The following OR2C1 variants were observed in gnomAD, a reference collection of about 807,000 sequenced individuals.
The protein encoded by OR2C1 is olfactory receptor family 2 subfamily C member 1, also known as olfactory receptor 2C1.
For synonymous variants in OR2C1, 209 were observed against 167.3 expected (o/e 1.25, Z -1.92); for missense variants, 468 against 388.3 (o/e 1.21, Z -1.73).
At chr16:3,341,799 C>T in the OR2C1 span, among the ~76,000 whole-genome samples, 1 of 152,122 alleles carries the variant, frequency 6.6e-6, no homozygotes, top group Non-Finnish European at 1.5e-5. Context: ...GTTAGGGAGG[C>T]TTCATGATGT....
At chr16:3,338,147 T>C in the OR2C1 span, among the ~76,000 whole-genome samples, 1 of 152,224 alleles carries the variant, frequency 6.6e-6, no homozygotes, top group Non-Finnish European at 1.5e-5. Context: ...TGGAATGCAC[T>C]TGCTGCAGCA....
chr16:3,348,944 C>T, the OR2C1 span, among the ~76,000 whole-genome samples: 1 of 152,114 alleles, frequency 6.6e-6, no homozygotes, highest in South Asian at 2.1e-4. Flanking sequence ...AGAACAAACA[C>T]TCAAGGATGA....
chr16:3,352,148 C>G (rs993057510), upstream of OR2C1, among the ~76,000 whole-genome samples: 1 of 151,620 alleles, frequency 6.6e-6, no homozygotes, highest in East Asian at 1.9e-4. Flanking sequence ...ACAGAGTCTC[C>G]CTCTGTCGCC....
chr16:3,341,486 G>A, the OR2C1 span, among the ~76,000 whole-genome samples: 2 of 152,102 alleles, frequency 1.3e-5, no homozygotes, highest in Admixed American at 6.6e-5. Flanking sequence ...ATGCTAAGGG[G>A]TAAAAGTGGT....
chr16:3,349,413 C>G, the OR2C1 span, among the ~76,000 whole-genome samples: 1 of 152,144 alleles, frequency 6.6e-6, no homozygotes, highest in Non-Finnish European at 1.5e-5. Context: ...AGGCTTCCAA[C>G]TGCGACCCAG....
At chr16:3,323,623 TA>T in the OR2C1 span, 2 of 726,830 alleles carry the variant, frequency 2.8e-6, no homozygotes, top group South Asian at 2.9e-5. Flanking sequence ...TCTGCACCAG[TA>T]GACTCACGCC....
Position 3,356,641 on chromosome 16 carries a change from G to T in OR2C1, c.701G>T (p.Arg234Met), listed in dbSNP as rs1245368129. The T allele has an allele frequency of 7.4e-6, 12 of 1,614,118 alleles. No individual in the cohort carries two copies. The highest frequency in any genetic ancestry group is 1.0e-5 in the Non-Finnish European group (12 of 1,180,012). Residue 234 changes from arginine to methionine, a missense_variant, in exon 1 of 1, where the codon AGG becomes ATG. By Grantham distance (91) the Arg-to-Met change is moderately conservative. Transcript: ENST00000304936. ...CTGAAAATCCGCTCTGCAGAGGGGAGGCGAAAGGCGTTCAATACGTGCCTC... is the reference window on the plus strand; with the variant it reads ...CTGAAAATCCGCTCTGCAGAGGGGATGCGAAAGGCGTTCAATACGTGCCTC... ...AVLKIRSAEGRRKAFNTCLSH... is the reference protein window; with the variant it reads ...AVLKIRSAEGMRKAFNTCLSH...
the OR2C1 span, among the ~76,000 whole-genome samples, chr16:3,336,004 G>C: frequency 6.6e-6 from 1 of 152,120 alleles, no homozygotes; most frequent in South Asian, 2.1e-4. Context: ...CCAGATCTTA[G>C]AGGAAAGGCT....
At chr16:3,350,572 C>T in the OR2C1 span, among the ~76,000 whole-genome samples, 20 of 151,374 alleles carry the variant, frequency 1.3e-4, no homozygotes, top group Non-Finnish European at 2.7e-4. Context: ...CCTCCGTGCC[C>T]GGCTAATTTT....
chr16:3,328,592 G>A, the OR2C1 span, among the ~76,000 whole-genome samples: 45 of 152,300 alleles, frequency 3.0e-4, 2 homozygotes, highest in Admixed American at 2.5e-3. Context: ...AGCTTGGATA[G>A]GTAGCCAGAC....
the OR2C1 span, among the ~76,000 whole-genome samples, chr16:3,338,577 G>A: frequency 6.0e-5 from 7 of 116,296 alleles, no homozygotes; most frequent in Admixed American, 1.1e-4. Context: ...TTGCTCTGTC[G>A]CCCCGGCTGG....
chr16:3,348,960 C>G, the OR2C1 span, among the ~76,000 whole-genome samples: 1 of 152,048 alleles, frequency 6.6e-6, no homozygotes, highest in Non-Finnish European at 1.5e-5. Flanking sequence ...GATGACAGCT[C>G]TCAGATTATG....
At chr16:3,347,545 C>A in the OR2C1 span, among the ~76,000 whole-genome samples, 1 of 151,740 alleles carries the variant, frequency 6.6e-6, no homozygotes, top group Non-Finnish European at 1.5e-5. Context: ...CACACCTCCA[C>A]TCCTCATAAC....
chr16:3,324,332 GGT>G, the OR2C1 span, among the ~76,000 whole-genome samples: 80 of 152,088 alleles, frequency 5.3e-4, no homozygotes, highest in African/African-American at 1.8e-3. Flanking sequence ...TGGCACCACA[GGT>G]GTGCACCACC....
chr16:3,332,795 C>G, the OR2C1 span, among the ~76,000 whole-genome samples: 1 of 151,658 alleles, frequency 6.6e-6, no homozygotes, highest in East Asian at 1.9e-4. Context: ...ACGCTTAGGT[C>G]GGTTTCACAT....
the OR2C1 span, among the ~76,000 whole-genome samples, chr16:3,344,923 A>G: frequency 6.6e-6 from 1 of 151,656 alleles, no homozygotes; most frequent in Non-Finnish European, 1.5e-5. Flanking sequence ...CCAGGATGAG[A>G]GTCTATCACA....
At chr16:3,333,138 G>A in the OR2C1 span, among the ~76,000 whole-genome samples, 4 of 144,246 alleles carry the variant, frequency 2.8e-5, no homozygotes, top group Admixed American at 7.1e-5. Context: ...TGATGATATT[G>A]AACATTTTTT....
the OR2C1 span, among the ~76,000 whole-genome samples, chr16:3,334,116 G>A: frequency 4.3e-4 from 65 of 151,256 alleles, 1 homozygote; most frequent in South Asian, 9.9e-3. Context: ...GGAACTACGC[G>A]TGTGCCCCAC....
At chr16:3,333,682 C>T in the OR2C1 span, among the ~76,000 whole-genome samples, 1 of 152,104 alleles carries the variant, frequency 6.6e-6, no homozygotes, top group Non-Finnish European at 1.5e-5. Context: ...TTATTGTTTC[C>T]TTTGATGTAC....
Sources: gnomAD v4.1 joint callset for allele counts (sites outside exome capture counted in the v4.1 genomes callset) on GRCh38, gnomAD v4.1.1 for gene constraint, MANE v1.5 for transcripts, NCBI Gene and HGNC (gene_info 2026-07-23, HGNC 2026-07-21) for gene names.